The following SLC38A10 variants were observed in gnomAD, a reference collection of about 807,000 sequenced individuals.
The protein encoded by SLC38A10 is solute carrier family 38 member 10.
Under a neutral mutation model 81.0 loss-of-function variants are expected in SLC38A10, and 53 were observed. The observed-to-expected ratio is 0.65, with a 90% CI of 0.53 to 0.82. The LOEUF is 0.82. Ranked by LOEUF, SLC38A10 falls within the 40% of genes least tolerant of loss-of-function variation. SLC38A10 has a pLI of 0.00. For synonymous variants in SLC38A10, 665 were observed against 655.3 expected (o/e 1.01, Z -0.23); for missense variants, 1,471 against 1,545.0 (o/e 0.95, Z 0.80).
intron 1 of SLC38A10, among the ~76,000 whole-genome samples, chr17:81,293,910 TTTTCTTTCATGTGTTA>T (rs902049457): frequency 1.1e-4 from 17 of 152,226 alleles, no homozygotes; most frequent in Non-Finnish European, 1.5e-5. Flanking sequence ...GAAATGGCCA[TTTTCTTTCATGTGTTA>T]TTCAATGCTG....
At position 81,244,952 on chromosome 17, in the gene SLC38A10, G is replaced by C; in HGVS notation, c.*604C>G. The C allele has an allele frequency of 6.1e-6, 1 of 164,288 alleles. No individual in the cohort carries two copies. 10.2% of individuals were successfully genotyped at this position (164,288 alleles called of 1,614,324 possible). A position where few individuals can be genotyped will look rare whatever the true frequency, so the allele number is the denominator to read the frequency against. ...TGCCCCTGGACACCCGGCTTGTCTG[G>C]CCCCTGCTCCCTGTGCTTCCTGGAC... On this transcript the variant is annotated 3_prime_UTR_variant, in exon 16 of 16. Transcript: ENST00000374759.
At chr17:81,267,311 A>G (rs1245925178) in intron 10 of SLC38A10, among the ~76,000 whole-genome samples, 1 of 152,232 alleles carries the variant, frequency 6.6e-6, no homozygotes, top group Non-Finnish European at 1.5e-5. Context: ...CAAAGATTTA[A>G]ATTAAAAAAA....
intron 8 of SLC38A10, among the ~76,000 whole-genome samples, chr17:81,272,880 C>T (rs938773581): frequency 4.6e-5 from 7 of 152,222 alleles, no homozygotes; most frequent in African/African-American, 1.7e-4. Context: ...TTTACAACTT[C>T]CTTTTGAAAT....
intron 6 of SLC38A10, chr17:81,280,063 A>G (rs1322025531): frequency 4.8e-6 from 2 of 420,672 alleles, no homozygotes; most frequent in East Asian, 7.4e-5. Context: ...GCCGGTTACC[A>G]TGTTCCAACC....
chr17:81,291,531 G>C (rs1182641261), intron 1 of SLC38A10, among the ~76,000 whole-genome samples: 1 of 151,184 alleles, frequency 6.6e-6, no homozygotes, highest in African/African-American at 2.4e-5. Context: ...AAAAACTCAT[G>C]AGATATCACC....
rs781723291 is a variant in SLC38A10, at chr17:81,253,084, C to T, written c.1445G>A (p.Arg482His). Reference protein sequence around the residue: ...KEAPEEAQLDRPGQGIAVPVG... With the variant: ...KEAPEEAQLDHPGQGIAVPVG... ...CCAGTGCCCAGCACCTTGCCCAGGG[C>T]GATCGAGCTGTGCCTCCTCCGGTGC... is the stretch of plus-strand genomic sequence containing the variant. Residue 482 changes from arginine (R) to histidine (H), a missense_variant, in exon 12 of 16, where the codon CGC (arginine) becomes CAC (histidine). Arg to His is a conservative substitution (Grantham distance 29). Coordinates refer to ENST00000374759, the MANE Select transcript of SLC38A10 (RefSeq NM_001037984.3). The surrounding 1 kb of genome is among the most constrained non-coding windows in gnomAD (Gnocchi z 4.1). 1.8e-5 allele frequency: 29 copies of T among 1,612,976 alleles called. No homozygotes were observed. Among genetic ancestry groups the T allele is most frequent in the Non-Finnish European group, 2.3e-5 (27 of 1,180,008 alleles).
intron 8 of SLC38A10, among the ~76,000 whole-genome samples, chr17:81,274,788 A>C (rs1425789409): frequency 1.3e-5 from 2 of 152,200 alleles, no homozygotes; most frequent in Non-Finnish European, 2.9e-5. Flanking sequence ...ACTCTGCCAC[A>C]AGGAGAGAAC....
intron 11 of SLC38A10, among the ~76,000 whole-genome samples, chr17:81,255,159 G>A (rs992902694): frequency 2.2e-4 from 34 of 152,240 alleles, no homozygotes; most frequent in African/African-American, 6.0e-4. Context: ...GCCTCTCAGC[G>A]TTCTGCAAGT....
chr17:81,294,780 CG>C, intron 1 of SLC38A10, 42 bp downstream of exon 1: 1 of 1,513,012 alleles, frequency 6.6e-7, no homozygotes, highest in Non-Finnish European at 8.9e-7. Flanking sequence ...GCCCCCTCTG[CG>C]GGGGAGGCGA....
At chr17:81,272,405 A>T in intron 9 of SLC38A10, 111 bp downstream of exon 9, 1 of 553,234 alleles carries the variant, frequency 1.8e-6, no homozygotes, top group Non-Finnish European at 3.0e-6. Flanking sequence ...AGACTTTTTT[A>T]AGAGACCAGA....
At position 81,253,132 on chromosome 17, in the gene SLC38A10, G is replaced by A. The variant is rs1453827185; in HGVS notation, c.1397C>T (p.Pro466Leu). 6.2e-7 allele frequency: 1 copy of A among 1,613,802 alleles called. No individual in the cohort carries two copies. Among genetic ancestry groups the A allele is most frequent in the Admixed American group, 1.7e-5 (1 of 59,998 alleles). Reference sequence around the variant, plus strand: ...TGCCTCCTTGCCATCTTCCCGTCCAGGCACATCCACGGGCCCCTTGATCTG... The same window carrying A: ...TGCCTCCTTGCCATCTTCCCGTCCAAGCACATCCACGGGCCCCTTGATCTG... Reference protein sequence around the residue: ...QAQIKGPVDVPGREDGKEAPE... With the variant: ...QAQIKGPVDVLGREDGKEAPE... Residue 466 changes from proline to leucine, a missense_variant, in exon 12 of 16, where the codon CCT becomes CTT. This residue lies in a region of SLC38A10 where 720 missense variants were observed against 827.7 expected (regional missense o/e 0.87). Transcript: ENST00000374759. This position sits in a 1 kb window ranked among gnomAD's most constrained non-coding sequence, Gnocchi z 4.1.
intron 10 of SLC38A10, among the ~76,000 whole-genome samples, chr17:81,261,240 C>A (rs1030330322): frequency 2.6e-5 from 4 of 152,228 alleles, no homozygotes; most frequent in Non-Finnish European, 5.9e-5. Flanking sequence ...TCCCGCCACC[C>A]CGGCTCCTGC....
chr17:81,283,502 G>A lies in SLC38A10; in HGVS notation c.264C>T (p.Ser88=), dbSNP rs1468663011. 6.2e-7 allele frequency: 1 copy of A among 1,608,360 alleles called. No individual in the cohort carries two copies. The highest frequency in any genetic ancestry group is 2.2e-5 in the East Asian group (1 of 44,618). ...GKAGKMLVET[S]MIGLMLGTCI... ...AGGTGCCCAGCATCAGCCCGATCAT[G>A]CTGCACAGGGACGGGGGGTACGGGA... is the stretch of plus-strand genomic sequence containing the variant. The change falls in exon 4 of 16, where the codon AGC becomes AGT. Residue 88 remains serine (S), a splice_region_variant and synonymous_variant. Coordinates refer to ENST00000374759, the MANE Select transcript of SLC38A10 (RefSeq NM_001037984.3). The surrounding 1 kb of genome is among the most constrained non-coding windows in gnomAD (Gnocchi z 4.7).
chr17:81,279,287 G>A lies in SLC38A10; in HGVS notation c.626+1322C>T, dbSNP rs554224968. 4.6e-5 allele frequency among the ~76,000 whole-genome samples: 7 copies of A among 152,310 alleles called. No homozygotes were observed. In the East Asian group the frequency reaches 1.3e-3, roughly 29 times the overall value. Reference sequence around the variant, plus strand: ...AACCAGGTATGCATTTACCAAAAACGGCCAGATAGTGAAGGCACAAGGGAG... The same window carrying A: ...AACCAGGTATGCATTTACCAAAAACAGCCAGATAGTGAAGGCACAAGGGAG... On this transcript the variant is annotated intron_variant, in intron 6 of 15. Coordinates refer to ENST00000374759, the MANE Select transcript of SLC38A10 (RefSeq NM_001037984.3).
At chr17:81,268,536 G>T (rs575332648) in intron 10 of SLC38A10, among the ~76,000 whole-genome samples, 2 of 151,870 alleles carry the variant, frequency 1.3e-5, no homozygotes, top group African/African-American at 2.4e-5. Flanking sequence ...CTCCCAAAGT[G>T]CTGGGATTAC....
chr17:81,252,706 T>C (rs1020829255), intron 12 of SLC38A10, 23 bp from the exon 13 acceptor site: 32 of 1,573,774 alleles, frequency 2.0e-5, no homozygotes, highest in African/African-American at 2.7e-5. Flanking sequence ...GGGGGACAGA[T>C]GGGGTCAGGC....
At position 81,246,937 on chromosome 17, in the gene SLC38A10, G is replaced by C; in HGVS notation, c.2190C>G (p.His730Gln). The C allele has an allele frequency of 6.2e-7, 1 of 1,607,978 alleles. No individual in the cohort carries two copies. The highest frequency in any genetic ancestry group is 8.5e-7 in the Non-Finnish European group (1 of 1,179,512). The change falls in exon 15 of 16, where the codon CAC becomes CAG. Residue 730 changes from histidine to glutamine, a missense_variant. By Grantham distance (24) the His-to-Gln change is conservative. Coordinates refer to ENST00000374759, the MANE Select transcript of SLC38A10 (RefSeq NM_001037984.3). ...CCTGCCTCTGCTGGTGGATCTCCTT[G>C]TGCTGCTCCTCGATCACCGCCAGCA... Reference protein sequence around the residue: ...EKLLAVIEEQHKEIHQQRQED... With the variant: ...EKLLAVIEEQQKEIHQQRQED...
At chr17:81,266,103 C>T (rs868678764) in intron 10 of SLC38A10, among the ~76,000 whole-genome samples, 2 of 152,178 alleles carry the variant, frequency 1.3e-5, no homozygotes, top group South Asian at 2.1e-4. Context: ...GAGTCAGTGA[C>T]GCGCCAGCCA....
At chr17:81,267,460 T>C (rs72860065) in intron 10 of SLC38A10, among the ~76,000 whole-genome samples, 7,307 of 152,190 alleles carry the variant, frequency 0.048, 310 homozygotes, top group African/African-American at 0.11. Flanking sequence ...ACTATGACTC[T>C]TTCTTTCCTT....
Sources: gnomAD v4.1 joint callset for allele counts (sites outside exome capture counted in the v4.1 genomes callset) on GRCh38, gnomAD v4.1.1 for gene constraint, gnomAD v4.1.1 regional missense constraint, Gnocchi (gnomAD v3.1) non-coding constraint, MANE v1.5 for transcripts, NCBI Gene and HGNC (gene_info 2026-07-23, HGNC 2026-07-21) for gene names.